Variants in MBD5 observed in about 807,000 individuals in gnomAD.
The protein encoded by MBD5 is methyl-CpG binding domain protein 5, also known as methyl-CpG-binding domain protein 5.
In MBD5, 13 loss-of-function variants were observed where a neutral mutation model predicts 117.3. The ratio of observed to expected loss-of-function variants is 0.11; its 90% CI spans 0.07 to 0.18. The LOEUF (loss-of-function observed/expected upper bound fraction) is 0.18. Ranked by LOEUF, MBD5 falls within the 10% of genes least tolerant of loss-of-function variation. MBD5 has a pLI of 1.00. For synonymous variants in MBD5, 727 were observed against 766.4 expected (o/e 0.95, Z 0.85); for missense variants, 1,879 against 2,093.8 (o/e 0.90, Z 2.00).
intron 1 of MBD5, chr2:148,025,786 G>C (rs549556870): frequency 1.3e-5 from 2 of 152,200 alleles, no homozygotes; most frequent in East Asian, 3.9e-4. Flanking sequence ...TTAGTATGTA[G>C]TAGAAATATC....
At chr2:148,465,297 C>T (rs1328572709) in intron 7 of MBD5, among the ~76,000 whole-genome samples, 3 of 151,944 alleles carry the variant, frequency 2.0e-5, no homozygotes, top group Non-Finnish European at 4.4e-5. Context: ...TTTGATTTTC[C>T]CATTATTGAA....
At chr2:148,422,864 G>A (rs1220026975) in intron 4 of MBD5, among the ~76,000 whole-genome samples, 2 of 152,112 alleles carry the variant, frequency 1.3e-5, no homozygotes, top group African/African-American at 4.8e-5. Flanking sequence ...ATGAAATAAA[G>A]TGAGAGGACA....
chr2:148,099,987 A>T (rs757104831), intron 1 of MBD5, among the ~76,000 whole-genome samples: 6 of 152,212 alleles, frequency 3.9e-5, no homozygotes, highest in Non-Finnish European at 7.3e-5. Flanking sequence ...CTTACAGCCT[A>T]GTGGGGTAGA....
chr2:148,504,029 G>T (rs1681950807), intron 12 of MBD5, among the ~76,000 whole-genome samples: 1 of 152,160 alleles, frequency 6.6e-6, no homozygotes, highest in Admixed American at 6.5e-5. Context: ...CAAATACACT[G>T]CCTTGAAATG....
intron 1 of MBD5, among the ~76,000 whole-genome samples, chr2:148,123,727 G>T (rs1200170967): frequency 1.3e-5 from 2 of 152,170 alleles, no homozygotes; most frequent in Non-Finnish European, 2.9e-5. Flanking sequence ...TATTAAAATA[G>T]GTGAAGTCCC....
intron 1 of MBD5, among the ~76,000 whole-genome samples, chr2:148,151,857 G>A (rs967530696): frequency 5.5e-4 from 84 of 151,802 alleles, no homozygotes; most frequent in African/African-American, 1.8e-3. Flanking sequence ...TCTTGCTAGC[G>A]GTCTATCAAT....
At chr2:148,420,395 A>T (rs1705565308) in intron 4 of MBD5, among the ~76,000 whole-genome samples, 1 of 152,106 alleles carries the variant, frequency 6.6e-6, no homozygotes, top group South Asian at 2.1e-4. Context: ...TTCAAAACCC[A>T]TCTCCTATTT....
chr2:148,325,793 G>A (rs570657028), intron 3 of MBD5, among the ~76,000 whole-genome samples: 1 of 152,104 alleles, frequency 6.6e-6, no homozygotes, highest in African/African-American at 2.4e-5. Flanking sequence ...CCAGCTCCTG[G>A]ATTCGTTAAT....
intron 4 of MBD5, among the ~76,000 whole-genome samples, chr2:148,434,864 A>G (rs565098522): frequency 6.7e-6 from 1 of 148,812 alleles, no homozygotes; most frequent in South Asian, 2.1e-4. Flanking sequence ...GTTGTGTGGG[A>G]ATCTACACCT....
intron 3 of MBD5, among the ~76,000 whole-genome samples, chr2:148,316,584 G>A (rs1702163144): frequency 6.6e-6 from 1 of 151,920 alleles, no homozygotes; most frequent in South Asian, 2.1e-4. Context: ...AAAGTGTAGT[G>A]ATACTTTACA....
chr2:148,159,577 C>T (rs1159598534), intron 1 of MBD5, among the ~76,000 whole-genome samples: 1 of 152,126 alleles, frequency 6.6e-6, no homozygotes, highest in East Asian at 1.9e-4. Flanking sequence ...TGAGTCACCA[C>T]ACCCTACCCT....
At chr2:148,418,341 G>A (rs546098473) in intron 4 of MBD5, among the ~76,000 whole-genome samples, 16 of 151,916 alleles carry the variant, frequency 1.1e-4, no homozygotes, top group African/African-American at 3.6e-4. Context: ...ATTTGCTTTT[G>A]GGGTTTTCAT....
chr2:148,183,175 A>G (rs1237554413), intron 2 of MBD5, among the ~76,000 whole-genome samples: 1 of 152,162 alleles, frequency 6.6e-6, no homozygotes, highest in Admixed American at 6.5e-5. Flanking sequence ...AGAAATGAGC[A>G]ATGATATGGT....
chr2:148,387,732 C>A (rs1328613751), intron 4 of MBD5, among the ~76,000 whole-genome samples: 1 of 151,858 alleles, frequency 6.6e-6, no homozygotes, highest in African/African-American at 2.4e-5. Flanking sequence ...AGTTGCATTT[C>A]TAATACAAAA....
At chr2:148,489,021 G>C (rs1249262297) in intron 10 of MBD5, among the ~76,000 whole-genome samples, 1 of 152,094 alleles carries the variant, frequency 6.6e-6, no homozygotes, top group Non-Finnish European at 1.5e-5. Flanking sequence ...CCTGTGACTT[G>C]ACTCTTTTTG....
intron 4 of MBD5, among the ~76,000 whole-genome samples, chr2:148,386,343 TAAG>T (rs1704360599): frequency 6.6e-6 from 1 of 151,866 alleles, no homozygotes; most frequent in African/African-American, 2.4e-5. Context: ...AGTTAAAAAT[TAAG>T]AAGAAAAACA....
chr2:148,073,660 A>G (rs1695418431), intron 1 of MBD5, among the ~76,000 whole-genome samples: 1 of 152,166 alleles, frequency 6.6e-6, no homozygotes, highest in South Asian at 2.1e-4. Flanking sequence ...ATTCTAGGAA[A>G]TGACCATGGA....
rs1432624944 is a variant in MBD5, at chr2:148,151,342, GC to G, written c.-924-27356del. On this transcript the variant is annotated intron_variant, in intron 1 of 13. Coordinates refer to ENST00000642680, the MANE Select transcript of MBD5 (RefSeq NM_001378120.1). ...TTTGATGTGCTGCTGGATTTGGTTT[GC>G]CAGTATTTTATTGAGGATTTTTGCA... Among the ~76,000 whole-genome samples, 65 of 151,718 alleles carry G rather than the reference GC, an allele frequency of 4.3e-4. 1 individual carries two copies. In the East Asian group the frequency reaches 0.012, roughly 28 times the overall value.
intron 1 of MBD5, among the ~76,000 whole-genome samples, chr2:148,031,707 G>A (rs1694045096): frequency 6.6e-6 from 1 of 152,116 alleles, no homozygotes; most frequent in South Asian, 2.1e-4. Flanking sequence ...TTGCAATTAT[G>A]ACTAGAGAGT....
Sources: gnomAD v4.1 joint callset for allele counts (sites outside exome capture counted in the v4.1 genomes callset) on GRCh38, gnomAD v4.1.1 for gene constraint, MANE v1.5 for transcripts, NCBI Gene and HGNC (gene_info 2026-07-23, HGNC 2026-07-21) for gene names.